Variants in C10orf143 observed in about 807,000 individuals in gnomAD.
C10orf143 encodes the protein uncharacterized protein C10orf143.
chr10:130,088,077 G>A (rs1000212288), intron 1 of C10orf143, among the ~76,000 whole-genome samples: 2 of 152,170 alleles, frequency 1.3e-5, no homozygotes, highest in Admixed American at 6.5e-5. Flanking sequence ...CAAATATACA[G>A]CAAATTAACA....
chr10:130,089,118 A>G (rs1861340739), intron 1 of C10orf143, among the ~76,000 whole-genome samples: 1 of 152,208 alleles, frequency 6.6e-6, no homozygotes, highest in African/African-American at 2.4e-5. Context: ...ACTGAATTCT[A>G]GGGGAGTGAG....
chr10:130,080,380 A>G (rs1237636156), intron 1 of C10orf143, among the ~76,000 whole-genome samples: 1 of 152,250 alleles, frequency 6.6e-6, no homozygotes, highest in Non-Finnish European at 1.5e-5. Context: ...CACAGTCCAT[A>G]ACTGATAACC....
chr10:130,040,794 G>A (rs1277050288), intron 3 of C10orf143, among the ~76,000 whole-genome samples: 5 of 151,836 alleles, frequency 3.3e-5, no homozygotes, highest in African/African-American at 1.2e-4. Flanking sequence ...CTGCAGTCCC[G>A]CCTGGGTGAA....
intron 1 of C10orf143, chr10:130,104,812 G>C (rs1018514711): frequency 6.6e-6 from 1 of 152,104 alleles, no homozygotes; most frequent in African/African-American, 2.4e-5. Context: ...TTCCCTGTTC[G>C]CTCTGATCAA....
At position 130,064,395 on chromosome 10, in the gene C10orf143, A is replaced by G. The variant is rs1353315472; in HGVS notation, c.298-12T>C. The stretch of plus-strand genomic sequence containing the variant: ...TGGCTAAAATGTCCCTACAAAGATA[A>G]AACAGCACATTGCGGGAATTAATTT... On this transcript the variant is annotated splice_polypyrimidine_tract_variant and intron_variant, in intron 3 of 3. Transcript: ENST00000637128. 2.5e-6 allele frequency: 1 copy of G among 398,598 alleles called. No individual in the cohort carries two copies. The highest frequency in any genetic ancestry group is 4.4e-6 in the Non-Finnish European group (1 of 226,058). 24.7% of individuals were successfully genotyped at this position (398,598 alleles called of 1,614,324 possible).
intron 3 of C10orf143, among the ~76,000 whole-genome samples, chr10:130,046,388 C>T (rs746304480): frequency 6.6e-6 from 1 of 152,078 alleles, no homozygotes; most frequent in Non-Finnish European, 1.5e-5. Context: ...GCGCCAGTTG[C>T]GGGACCCCAC....
Position 130,105,417 on chromosome 10 carries a change from A to G in C10orf143, c.69+5287T>C, listed in dbSNP as rs563836788. ...CTCCTTTGTATCATGGGAATAATTT[A>G]GCAGTGTTGTGCTATAAATTCAGAT... On this transcript the variant is annotated intron_variant, in intron 1 of 3. Transcript: ENST00000637128. Among the ~76,000 whole-genome samples the G allele has an allele frequency of 3.9e-5, 6 of 152,280 alleles. No individual in the cohort carries two copies. The South Asian group carries it at 8.3e-4, about 21-fold the overall frequency.
At chr10:130,045,243 G>A (rs527792810) in intron 3 of C10orf143, among the ~76,000 whole-genome samples, 159 of 152,360 alleles carry the variant, frequency 1.0e-3, no homozygotes, top group African/African-American at 3.8e-3. Flanking sequence ...CAGGCTCTGG[G>A]CAGGCACCTC....
downstream of C10orf143, among the ~76,000 whole-genome samples, chr10:130,060,259 A>G (rs1860839405): frequency 6.6e-6 from 1 of 152,218 alleles, no homozygotes; most frequent in Non-Finnish European, 1.5e-5. Context: ...AGAAAACCAG[A>G]AGGTGCCCTC....
intron 1 of C10orf143, chr10:130,106,037 C>T: frequency 1.9e-6 from 1 of 531,728 alleles, no homozygotes; most frequent in Non-Finnish European, 3.7e-6. Flanking sequence ...CCAGAGCAGC[C>T]TTGGCGCTAT....
At chr10:130,103,085 C>T (rs1463016829) in intron 1 of C10orf143, among the ~76,000 whole-genome samples, 1 of 151,842 alleles carries the variant, frequency 6.6e-6, no homozygotes, top group East Asian at 1.9e-4. Flanking sequence ...CTCAAGCGAT[C>T]CTCCTGCCTC....
At chr10:130,045,761 A>G (rs10829683) in intron 3 of C10orf143, among the ~76,000 whole-genome samples, 64,822 of 152,152 alleles carry the variant, frequency 0.43, 13,941 homozygotes, top group South Asian at 0.49. Context: ...AAAACGTGGA[A>G]GCAAATGCGA....
chr10:130,053,136 C>T (rs150791866), intron 3 of C10orf143, among the ~76,000 whole-genome samples: 7 of 152,200 alleles, frequency 4.6e-5, no homozygotes, highest in Non-Finnish European at 1.0e-4. Flanking sequence ...TCTCGGCTCA[C>T]TGCAACCTCC....
chr10:130,059,050 A>G (rs1436341419), downstream of C10orf143, among the ~76,000 whole-genome samples: 1 of 152,256 alleles, frequency 6.6e-6, no homozygotes, highest in Non-Finnish European at 1.5e-5. Flanking sequence ...AGTCAATGGA[A>G]AAGATGTGGT....
chr10:130,093,496 T>C (rs1026567499), intron 1 of C10orf143, among the ~76,000 whole-genome samples: 14 of 151,782 alleles, frequency 9.2e-5, no homozygotes, highest in Non-Finnish European at 1.9e-4. Context: ...CCATCACAAT[T>C]AAAAGAACTA....
At chr10:130,047,292 T>A (rs1443495230) in intron 3 of C10orf143, among the ~76,000 whole-genome samples, 1 of 152,248 alleles carries the variant, frequency 6.6e-6, no homozygotes, top group Admixed American at 6.5e-5. Context: ...GCTACAGTAC[T>A]GGCTGCAGGT....
At chr10:130,044,409 C>T (rs1860642650) in intron 3 of C10orf143, among the ~76,000 whole-genome samples, 1 of 152,168 alleles carries the variant, frequency 6.6e-6, no homozygotes, top group African/African-American at 2.4e-5. Context: ...CTGGGCTTCC[C>T]TTCACTCCCA....
At chr10:130,070,553 C>T (rs75708418) in intron 3 of C10orf143, among the ~76,000 whole-genome samples, 2,048 of 152,280 alleles carry the variant, frequency 0.013, 34 homozygotes, top group African/African-American at 0.047. Context: ...GGATACATCA[C>T]ACCCAAGACT....
At chr10:130,075,159 C>T (rs1861095069) in intron 3 of C10orf143, among the ~76,000 whole-genome samples, 1 of 152,134 alleles carries the variant, frequency 6.6e-6, no homozygotes, top group Non-Finnish European at 1.5e-5. Flanking sequence ...GGAGCGGAGA[C>T]TCCATGGCAC....
Sources: allele counts gnomAD v4.1 joint callset (sites outside exome capture counted in the v4.1 genomes callset), GRCh38; gene constraint gnomAD v4.1.1; transcripts MANE v1.5; gene names NCBI Gene and HGNC (gene_info 2026-07-23, HGNC 2026-07-21).